The following PLEKHG1 variants were observed in gnomAD, a reference collection of about 807,000 sequenced individuals.
PLEKHG1 encodes pleckstrin homology domain-containing family G member 1.
In PLEKHG1, 44 loss-of-function variants were observed where a neutral mutation model predicts 100.8. That is an observed-to-expected ratio of 0.44 (90% CI 0.34 to 0.56). The LOEUF is 0.56. PLEKHG1 is among the 20% of genes least tolerant of loss of function. The pLI is 0.01. For synonymous variants in PLEKHG1, 640 were observed against 662.5 expected (o/e 0.97, Z 0.52); for missense variants, 1,545 against 1,720.9 (o/e 0.90, Z 1.81).
intron 4 of PLEKHG1, among the ~76,000 whole-genome samples, chr6:150,788,306 C>A (rs1001454695): frequency 6.6e-6 from 1 of 152,196 alleles, no homozygotes; most frequent in Non-Finnish European, 1.5e-5. Context: ...GAAGATGTTA[C>A]GTCTTCTGAA....
rs556607657 is a variant in PLEKHG1, at chr6:150,609,917, G to A, written c.-204+9900G>A. 1.2e-4 allele frequency among the ~76,000 whole-genome samples: 19 copies of A among 152,250 alleles called. 1 individual carries two copies. In the South Asian group the frequency reaches 1.9e-3, roughly 15 times the overall value. ...TCTGCCCCACCTGTTCACGGTCGCC[G>A]TTTCCCACGTCCAGCATCCTCTCTC... On this transcript the variant is annotated intron_variant, in intron 1 of 3. Transcript: ENST00000367326.
chr6:150,777,478 G>A (rs1208015110), intron 3 of PLEKHG1, among the ~76,000 whole-genome samples: 1 of 147,508 alleles, frequency 6.8e-6, no homozygotes, highest in African/African-American at 2.5e-5. Context: ...TGCAATCCTG[G>A]TGCACATGTG....
rs760366552 is a variant in PLEKHG1, at chr6:150,831,126, T to C, written c.2015T>C (p.Met672Thr). ...ATCAGTTATGAGGACTTAAAACTAA[T>C]GGTTGCTAAGCGGGAAGAAGCTGAA... Residue 672 changes from methionine (M) to threonine (T), a missense_variant, in exon 15 of 16, where the codon ATG (methionine) becomes ACG (threonine). Met to Thr is a moderately conservative substitution (Grantham distance 81). Transcript: ENST00000358517. The surrounding 1 kb of genome is among the most constrained non-coding windows in gnomAD (Gnocchi z 4.1). 4.3e-6 allele frequency: 7 copies of C among 1,613,962 alleles called. No individual in the cohort carries two copies. The Admixed American group carries it at 5.0e-5, about 12-fold the overall frequency.
chr6:150,611,687 C>A (rs1247548684), intron 1 of PLEKHG1, among the ~76,000 whole-genome samples: 1 of 151,972 alleles, frequency 6.6e-6, no homozygotes, highest in Non-Finnish European at 1.5e-5. Context: ...TGGTGGGTGC[C>A]TGTAGTCCCA....
chr6:150,736,988 A>G (rs1206322109), intron 2 of PLEKHG1, among the ~76,000 whole-genome samples: 1 of 152,178 alleles, frequency 6.6e-6, no homozygotes, highest in Non-Finnish European at 1.5e-5. Context: ...TCCCAAATGA[A>G]GAGGGAGGGA....
chr6:150,734,452 A>G (rs1701665289), intron 2 of PLEKHG1, among the ~76,000 whole-genome samples: 1 of 152,180 alleles, frequency 6.6e-6, no homozygotes, highest in Non-Finnish European at 1.5e-5. Flanking sequence ...GTGTATGACT[A>G]AACCCCTCAG....
chr6:150,675,678 G>A (rs1040848786), intron 3 of PLEKHG1, among the ~76,000 whole-genome samples: 7 of 152,176 alleles, frequency 4.6e-5, no homozygotes, highest in Non-Finnish European at 4.4e-5. Context: ...GTAGAGATGG[G>A]GTTTCGCCAT....
chr6:150,780,867 T>TTTTG (rs932935989), intron 3 of PLEKHG1, among the ~76,000 whole-genome samples: 6 of 151,918 alleles, frequency 3.9e-5, no homozygotes, highest in Non-Finnish European at 7.4e-5. Flanking sequence ...GCAGGGGGTT[T>TTTTG]TTTGTTTGTT....
chr6:150,816,603 C>T (rs769524666), intron 10 of PLEKHG1, among the ~76,000 whole-genome samples: 5 of 151,924 alleles, frequency 3.3e-5, no homozygotes, highest in Non-Finnish European at 5.9e-5. Flanking sequence ...AGATCATAGG[C>T]GTGAGATACC....
intron 1 of PLEKHG1, among the ~76,000 whole-genome samples, chr6:150,623,606 A>G (rs1582829950): frequency 6.6e-6 from 1 of 152,344 alleles, no homozygotes; most frequent in East Asian, 1.9e-4. Flanking sequence ...CCTTGCGCGT[A>G]CTGCAAACGG....
exon 16 of PLEKHG1, chr6:150,840,013 G>T (rs771324032): frequency 6.2e-7 from 1 of 1,614,168 alleles, no homozygotes; most frequent in South Asian, 1.1e-5. Context: ...TATAGTAATG[G>T]AGAGTTAGCA....
At chr6:150,723,945 T>A (rs1481532425) in intron 1 of PLEKHG1, among the ~76,000 whole-genome samples, 1 of 152,240 alleles carries the variant, frequency 6.6e-6, no homozygotes, top group Non-Finnish European at 1.5e-5. Flanking sequence ...ATGTCTTGGC[T>A]GGAAACACAG....
chr6:150,737,281 A>ATT lies in PLEKHG1; in HGVS notation c.411+3209_411+3210dup, dbSNP rs34129872. 2.3e-3 allele frequency among the ~76,000 whole-genome samples: 274 copies of ATT among 117,028 alleles called. 7 individuals are homozygous for ATT. The East Asian group carries it at 0.05, about 21-fold the overall frequency. The allele number at this position is 117,028 out of a possible 152,430, so 76.8% of individuals were successfully genotyped here. A position where few individuals can be genotyped will look rare whatever the true frequency, so the allele number is the denominator to read the frequency against. On this transcript the variant is annotated intron_variant, in intron 2 of 15. Coordinates refer to ENST00000358517, the Ensembl canonical transcript of PLEKHG1. ...CCCAATAAAAGGCTGTCATATGGGTATTTTTTTTTTTTTTTTTTTTTGAGA... is the reference window on the plus strand; with the variant it reads ...CCCAATAAAAGGCTGTCATATGGGTATTTTTTTTTTTTTTTTTTTTTTTGAGA...
chr6:150,766,098 A>G (rs1309167926), intron 2 of PLEKHG1, among the ~76,000 whole-genome samples: 4 of 152,242 alleles, frequency 2.6e-5, no homozygotes, highest in African/African-American at 9.6e-5. Flanking sequence ...ATTAGAAAGT[A>G]AATAGGAGAA....
chr6:150,612,045 T>TTCCCC (rs1491263507), intron 1 of PLEKHG1, among the ~76,000 whole-genome samples: 4 of 77,188 alleles, frequency 5.2e-5, no homozygotes, highest in Non-Finnish European at 1.1e-4. Flanking sequence ...CTGGTGTTGT[T>TTCCCC]CCCCCCCCCC....
chr6:150,830,839 A>G, exon 15 of PLEKHG1: 1 of 1,614,184 alleles, frequency 6.2e-7, no homozygotes, highest in Non-Finnish European at 8.5e-7. Flanking sequence ...CTACCAGACT[A>G]TGTGAAGATA....
chr6:150,662,117 G>A (rs1394556293), intron 3 of PLEKHG1, among the ~76,000 whole-genome samples: 1 of 152,098 alleles, frequency 6.6e-6, no homozygotes, highest in East Asian at 1.9e-4. Context: ...ACCCAAATGT[G>A]GATAGTGTTA....
chr6:150,647,240 C>T (rs1778541239), intron 2 of PLEKHG1, among the ~76,000 whole-genome samples: 1 of 152,154 alleles, frequency 6.6e-6, no homozygotes, highest in South Asian at 2.1e-4. Context: ...CATAGAATAA[C>T]AATGGCCTTT....
chr6:150,647,277 G>T (rs1243756114), intron 2 of PLEKHG1, among the ~76,000 whole-genome samples: 1 of 152,158 alleles, frequency 6.6e-6, no homozygotes, highest in African/African-American at 2.4e-5. Flanking sequence ...TAAAAAGCAA[G>T]ATTGGTCTCT....
Sources: gnomAD v4.1 joint callset for allele counts (sites outside exome capture counted in the v4.1 genomes callset) on GRCh38, gnomAD v4.1.1 for gene constraint, Gnocchi (gnomAD v3.1) non-coding constraint, MANE v1.5 for transcripts, NCBI Gene and HGNC (gene_info 2026-07-23, HGNC 2026-07-21) for gene names.